SASH1: variants seen among roughly 807,000 people sequenced by gnomAD.
SASH1 encodes SAM and SH3 domain containing 1, also known as SAM and SH3 domain-containing protein 1.
A neutral mutation model predicts 125.2 loss-of-function variants in SASH1; 44 were observed. The ratio of observed to expected loss-of-function variants is 0.35; its 90% CI spans 0.28 to 0.45. SASH1 has a LOEUF of 0.45. SASH1 is among the 20% of genes least tolerant of loss of function. SASH1 has a pLI of 1.00. For synonymous variants in SASH1, 639 were observed against 649.1 expected, an observed-to-expected ratio of 0.98 and a Z score of 0.24; for missense variants, 1,426 against 1,614.5, an observed-to-expected ratio of 0.88 and a Z score of 2.00.
At chr6:148,444,967 A>C (rs577920393) in intron 4 of SASH1, among the ~76,000 whole-genome samples, 1 of 152,308 alleles carries the variant, frequency 6.6e-6, no homozygotes, top group East Asian at 1.9e-4. Flanking sequence ...CCCAGAACTG[A>C]GCATCCCTCC....
chr6:148,407,187 C>G (rs1259252419), intron 2 of SASH1, among the ~76,000 whole-genome samples: 4 of 152,324 alleles, frequency 2.6e-5, no homozygotes, highest in Middle Eastern at 3.4e-3. Flanking sequence ...CCACAGAGCT[C>G]TTTCCGTCCT....
chr6:148,326,081 G>A (rs1261255404), intron 1 of SASH1, among the ~76,000 whole-genome samples: 2 of 149,148 alleles, frequency 1.3e-5, no homozygotes, highest in Non-Finnish European at 3.0e-5. Flanking sequence ...AGGCTGGAGT[G>A]TAATGGCACG....
chr6:148,265,766 A>T, the SASH1 span, among the ~76,000 whole-genome samples: 1 of 152,122 alleles, frequency 6.6e-6, no homozygotes, highest in Non-Finnish European at 1.5e-5. Flanking sequence ...TCTAGGCCTT[A>T]ATTCAGGGAA....
intron 4 of SASH1, among the ~76,000 whole-genome samples, chr6:148,459,737 A>AT (rs77948953): frequency 0.32 from 49,173 of 151,474 alleles, 9,293 homozygotes; most frequent in African/African-American, 0.53. Flanking sequence ...ATTTTATTTA[A>AT]TTTTTTTAGT....
At chr6:148,271,876 C>G (rs1239927392), upstream of SASH1, among the ~76,000 whole-genome samples, 1 of 152,160 alleles carries the variant, frequency 6.6e-6, no homozygotes, top group Non-Finnish European at 1.5e-5. Context: ...AATTCGATTT[C>G]AATTTGTGGA....
intron 2 of SASH1, among the ~76,000 whole-genome samples, chr6:148,396,058 T>C (rs1231139293): frequency 6.6e-6 from 1 of 152,142 alleles, no homozygotes; most frequent in East Asian, 1.9e-4. Context: ...CCAGCTTCTG[T>C]GCCAATTTGT....
At chr6:148,319,109 T>G (rs974391915) in intron 1 of SASH1, among the ~76,000 whole-genome samples, 1 of 131,018 alleles carries the variant, frequency 7.6e-6, no homozygotes, top group Non-Finnish European at 1.6e-5. Flanking sequence ...CTCGGCTCAC[T>G]GCAAGCTCCG....
Position 148,520,319 on chromosome 6 carries a change from G to C in SASH1, c.1209+426G>C, listed in dbSNP as rs199985415. ...TGGAGGAGGATGAGGAGGCAAAGAG[G>C]AAGTGGGCCGCCACGGTCGACCGCT... On this transcript the variant is annotated intron_variant, in intron 10 of 19. Coordinates refer to ENST00000367467, the MANE Select transcript of SASH1 (RefSeq NM_015278.5). 33 of 179,888 alleles carry C rather than the reference G, an allele frequency of 1.8e-4. No individual in the cohort carries two copies. The East Asian group carries it at 4.5e-3, about 25-fold the overall frequency. The allele number at this position is 179,888 out of a possible 1,614,324, so 11.1% of individuals were successfully genotyped here. A position where few individuals can be genotyped will look rare whatever the true frequency, so the allele number is the denominator to read the frequency against.
the SASH1 span, among the ~76,000 whole-genome samples, chr6:148,232,043 G>T: frequency 6.1e-4 from 92 of 151,894 alleles, no homozygotes; most frequent in African/African-American, 2.1e-3. Flanking sequence ...AAGTGACAAA[G>T]CTTGTCCTTG....
Position 148,527,550 on chromosome 6 carries a change from T to C in SASH1, c.1382T>C (p.Met461Thr), listed in dbSNP as rs762608783. Residue 461 changes from methionine (M) to threonine (T), a missense_variant, in exon 12 of 20, where the codon ATG becomes ACG. Coordinates refer to ENST00000367467, the MANE Select transcript of SASH1 (RefSeq NM_015278.5). ...GKKVKSVKET[M>T]RKRMSKKYSS... The stretch of plus-strand genomic sequence containing the variant: ...AAGGTGAAATCAGTGAAAGAGACGA[T>C]GAGAAAGAGAATGTCTAAAAAATAC... 2.2e-5 allele frequency: 35 copies of C among 1,610,978 alleles called. No individual in the cohort carries two copies. The highest frequency in any genetic ancestry group is 2.8e-5 in the Non-Finnish European group (33 of 1,179,198).
At chr6:148,496,463 C>T (rs771132966) in intron 8 of SASH1, among the ~76,000 whole-genome samples, 3 of 152,172 alleles carry the variant, frequency 2.0e-5, no homozygotes, top group African/African-American at 4.8e-5. Flanking sequence ...CAAAACATAG[C>T]AATAATTTAT....
the SASH1 span, among the ~76,000 whole-genome samples, chr6:148,215,602 A>T: frequency 5.9e-5 from 9 of 152,158 alleles, no homozygotes; most frequent in Admixed American, 1.3e-4. Flanking sequence ...GTAATTTTTT[A>T]AAATCTTTAA....
rs555712242 is a variant in SASH1 at position 148,383,311 on chromosome 6, T to A, written c.157-6823T>A. ...TTTCATTGTACCATAGTGATTTCTT[T>A]TTTTAATGGATTTAGCTTAGAGGGG... is the stretch of plus-strand genomic sequence containing the variant. On this transcript the variant is annotated intron_variant, in intron 1 of 19. Coordinates refer to ENST00000367467, the MANE Select transcript of SASH1 (RefSeq NM_015278.5). Among the ~76,000 whole-genome samples, 7 of 152,358 alleles carry A rather than the reference T, an allele frequency of 4.6e-5. No homozygotes were observed. In the East Asian group the frequency reaches 9.6e-4, roughly 21 times the overall value.
intron 4 of SASH1, among the ~76,000 whole-genome samples, chr6:148,459,135 T>A (rs1268239310): frequency 6.6e-6 from 1 of 152,102 alleles, no homozygotes; most frequent in East Asian, 1.9e-4. Context: ...CTGTCAATAG[T>A]GTTGTTAGTA....
chr6:148,447,129 C>T (rs1345740012), intron 4 of SASH1, among the ~76,000 whole-genome samples: 1 of 152,212 alleles, frequency 6.6e-6, no homozygotes. Context: ...CAAAACTTCA[C>T]CTAAGCCAAT....
chr6:148,317,359 C>A (rs996692007), intron 1 of SASH1, among the ~76,000 whole-genome samples: 2 of 152,104 alleles, frequency 1.3e-5, no homozygotes, highest in African/African-American at 4.8e-5. Flanking sequence ...ATGGGTGGAT[C>A]AAAAGAAGTG....
the SASH1 span, among the ~76,000 whole-genome samples, chr6:148,209,556 AGT>A: frequency 6.6e-6 from 1 of 152,234 alleles, no homozygotes; most frequent in African/African-American, 2.4e-5. Context: ...ACACAGGCCA[AGT>A]GTGAGCAATT....
chr6:148,370,812 G>T (rs980517186), intron 1 of SASH1, among the ~76,000 whole-genome samples: 9 of 152,076 alleles, frequency 5.9e-5, no homozygotes, highest in Non-Finnish European at 1.0e-4. Context: ...AACTGAGTGA[G>T]ACTCTGTCTC....
At chr6:148,520,357 T>G in intron 10 of SASH1, 1 of 168,778 alleles carries the variant, frequency 5.9e-6, no homozygotes, top group Non-Finnish European at 1.3e-5. Flanking sequence ...ACTAAAAGGG[T>G]TCTCTTGAGA....
Sources: allele counts gnomAD v4.1 joint callset (sites outside exome capture counted in the v4.1 genomes callset), GRCh38; gene constraint gnomAD v4.1.1; transcripts MANE v1.5; gene names NCBI Gene and HGNC (gene_info 2026-07-23, HGNC 2026-07-21).